The following NLGN4X variants were observed in gnomAD, a reference collection of about 807,000 sequenced individuals.
The protein encoded by NLGN4X is neuroligin 4 X-linked.
NLGN4X carries 3 observed loss-of-function variants against 40.3 expected under a neutral mutation model. That is an observed-to-expected ratio of 0.07 (90% confidence interval 0.03 to 0.19). The LOEUF is 0.19. NLGN4X is among the 10% of genes least tolerant of loss of function. The pLI, the probability that NLGN4X is intolerant of heterozygous loss-of-function variation, is 1.00. For synonymous variants in NLGN4X, 270 were observed against 306.8 expected (o/e 0.88, Z 1.25); for missense variants, 382 against 708.3 (o/e 0.54, Z 5.23).
chrX:5,913,818 A>G, intron 3 of NLGN4X, among the ~76,000 whole-genome samples: 1 of 111,790 alleles, frequency 8.9e-6, no homozygotes, highest in Non-Finnish European at 1.9e-5. Flanking sequence ...CATGGGAGGG[A>G]CCCAGTAGGA....
chrX:5,938,530 T>C (rs17305908), intron 3 of NLGN4X, among the ~76,000 whole-genome samples: 360 of 111,174 alleles, frequency 3.2e-3, no homozygotes, highest in Non-Finnish European at 4.8e-3. Context: ...TTTTTCAAAG[T>C]TGGGTAGGAT....
intron 4 of NLGN4X, 133 bp downstream of exon 4, chrX:5,908,921 T>C (rs1191310809): frequency 4.3e-6 from 3 of 690,452 alleles, no homozygotes; most frequent in Non-Finnish European, 6.5e-6. Context: ...GATGGATTCA[T>C]TTGATCTTTT....
intron 1 of NLGN4X, chrX:6,186,783 T>C (rs921245438): frequency 8.9e-6 from 1 of 111,863 alleles, no homozygotes; most frequent in African/African-American, 3.2e-5. Context: ...ATTTGTGTCA[T>C]TGTGGATTCA....
intron 5 of NLGN4X, among the ~76,000 whole-genome samples, chrX:5,900,336 G>A (rs2031770858): frequency 9.0e-6 from 1 of 110,776 alleles, no homozygotes; most frequent in Non-Finnish European, 1.9e-5. Context: ...GACACACAGG[G>A]AGGCCGTAAG....
rs186810786 is a variant in NLGN4X, at chrX:5,921,687, C to T, written c.626-12448G>A. On this transcript the variant is annotated intron_variant, in intron 3 of 5. Transcript: ENST00000381095. ...ACTGCATAGACTCCTCCGCTGACTTCCAAATCAGAATCTCTGTTGGTACAA... is the reference window on the plus strand; with the variant it reads ...ACTGCATAGACTCCTCCGCTGACTTTCAAATCAGAATCTCTGTTGGTACAA... 3.2e-4 allele frequency among the ~76,000 whole-genome samples: 36 copies of T among 111,580 alleles called. No individual in the cohort carries two copies. The East Asian group carries it at 9.9e-3, about 31-fold the overall frequency.
At chrX:6,076,829 A>T (rs1448745548) in intron 2 of NLGN4X, among the ~76,000 whole-genome samples, 1 of 112,360 alleles carries the variant, frequency 8.9e-6, no homozygotes, top group Admixed American at 9.4e-5. Context: ...AACACAGGCA[A>T]ATGATGAGAT....
At chrX:5,941,758 C>A (rs934781376) in intron 3 of NLGN4X, among the ~76,000 whole-genome samples, 8 of 112,191 alleles carry the variant, frequency 7.1e-5, no homozygotes, top group Non-Finnish European at 1.5e-4. Context: ...ATGGAGAAAG[C>A]CAGACTGGAA....
At chrX:5,996,032 G>A (rs1042265548) in intron 3 of NLGN4X, among the ~76,000 whole-genome samples, 2 of 94,115 alleles carry the variant, frequency 2.1e-5, no homozygotes, top group African/African-American at 6.7e-5. Flanking sequence ...TTCTGTACAA[G>A]ATGACACATG....
At chrX:6,208,827 C>G in intron 1 of NLGN4X, among the ~76,000 whole-genome samples, 1 of 111,581 alleles carries the variant, frequency 9.0e-6, no homozygotes, top group East Asian at 2.8e-4. Flanking sequence ...TATGGAGAGT[C>G]CTCAAAGAAC....
intron 2 of NLGN4X, among the ~76,000 whole-genome samples, chrX:6,138,500 G>C (rs1052365601): frequency 9.0e-6 from 1 of 111,587 alleles, no homozygotes; most frequent in Non-Finnish European, 1.9e-5. Context: ...CGTCTTTATC[G>C]GTCAGGTTCA....
chrX:6,044,575 A>C (rs982096874), intron 2 of NLGN4X, among the ~76,000 whole-genome samples: 1 of 111,126 alleles, frequency 9.0e-6, no homozygotes, highest in Non-Finnish European at 1.9e-5. Context: ...TGATACTGTA[A>C]TGGTGGATTT....
At chrX:6,062,060 T>C (rs916296694) in intron 2 of NLGN4X, among the ~76,000 whole-genome samples, 1 of 111,665 alleles carries the variant, frequency 9.0e-6, no homozygotes, top group African/African-American at 3.3e-5. Flanking sequence ...CTTCAGACTC[T>C]GACATCCATC....
At chrX:6,049,276 A>G (rs1219139620) in intron 2 of NLGN4X, among the ~76,000 whole-genome samples, 8 of 52,822 alleles carry the variant, frequency 1.5e-4, no homozygotes, top group Admixed American at 6.8e-4. Context: ...GGAGGGGAGG[A>G]AAAAAACAGC....
intron 3 of NLGN4X, among the ~76,000 whole-genome samples, chrX:5,914,951 A>G (rs929896068): frequency 1.8e-5 from 2 of 112,761 alleles, no homozygotes; most frequent in Admixed American, 1.9e-4. Context: ...GACTGAAAAC[A>G]TGTAGGATTT....
chrX:6,039,960 CAA>C (rs771590687), intron 2 of NLGN4X, among the ~76,000 whole-genome samples: 1 of 111,827 alleles, frequency 8.9e-6, no homozygotes, highest in East Asian at 2.8e-4. Flanking sequence ...TTTTTAGAGA[CAA>C]AGTCTTGCTC....
At chrX:5,998,483 A>C (rs1162093615) in intron 3 of NLGN4X, among the ~76,000 whole-genome samples, 1 of 111,758 alleles carries the variant, frequency 8.9e-6, no homozygotes, top group Admixed American at 9.5e-5. Flanking sequence ...TTAAGAAAAC[A>C]ATTTTATTCA....
At chrX:6,010,027 G>A (rs1211180963) in intron 3 of NLGN4X, among the ~76,000 whole-genome samples, 9 of 112,265 alleles carry the variant, frequency 8.0e-5, no homozygotes, top group Non-Finnish European at 1.7e-4. Flanking sequence ...CCAATGTGAT[G>A]GAGAATCACA....
chrX:6,169,886 A>G (rs1009547340), intron 1 of NLGN4X, among the ~76,000 whole-genome samples: 5 of 112,114 alleles, frequency 4.5e-5, no homozygotes, highest in African/African-American at 1.6e-4. Context: ...AAGCCTTTCC[A>G]TAAAGAACAT....
chrX:6,114,023 G>T (rs781356909), intron 2 of NLGN4X, among the ~76,000 whole-genome samples: 2 of 111,368 alleles, frequency 1.8e-5, no homozygotes, highest in Admixed American at 1.9e-4. Context: ...GTTTCACCAT[G>T]TTGGCCAAGC....
Sources: allele counts gnomAD v4.1 joint callset (sites outside exome capture counted in the v4.1 genomes callset), GRCh38; gene constraint gnomAD v4.1.1; transcripts MANE v1.5; gene names NCBI Gene and HGNC (gene_info 2026-07-23, HGNC 2026-07-21).